The following ZNF532 variants were observed in gnomAD, a reference collection of about 807,000 sequenced individuals.
ZNF532 encodes zinc finger protein 532.
ZNF532 carries 22 observed loss-of-function variants against 89.3 expected under a neutral mutation model. That is an observed-to-expected ratio of 0.25 (90% CI 0.18 to 0.35). The LOEUF (loss-of-function observed/expected upper bound fraction) is 0.35. ZNF532 is among the 10% of genes least tolerant of loss of function. The pLI is 1.00. For missense variants in ZNF532, 1,132 were observed against 1,643.4 expected (o/e 0.69, Z 5.38); for synonymous variants, 606 against 649.6 (o/e 0.93, Z 1.02).
At chr18:58,870,416 A>G (rs1252237072) in intron 2 of ZNF532, among the ~76,000 whole-genome samples, 1 of 152,172 alleles carries the variant, frequency 6.6e-6, no homozygotes, top group African/African-American at 2.4e-5. Context: ...CTGGGAGAGC[A>G]TCTAAGTCCA....
chr18:58,868,389 G>A (rs1327225041), intron 2 of ZNF532, among the ~76,000 whole-genome samples: 1 of 152,130 alleles, frequency 6.6e-6, no homozygotes. Context: ...TGTGGGTTTT[G>A]GCATATGTGT....
chr18:58,863,912 G>T (rs1375585676), upstream of ZNF532, among the ~76,000 whole-genome samples: 1 of 151,896 alleles, frequency 6.6e-6, no homozygotes, highest in Non-Finnish European at 1.5e-5. Context: ...TGAGGCTCAG[G>T]CCCCTGGGCC....
chr18:58,928,877 C>T (rs1026817589), intron 3 of ZNF532, among the ~76,000 whole-genome samples: 1 of 152,162 alleles, frequency 6.6e-6, no homozygotes, highest in Admixed American at 6.5e-5. Context: ...TGAGGACTGT[C>T]GTTTGAATAA....
intron 7 of ZNF532, among the ~76,000 whole-genome samples, chr18:58,975,582 A>G (rs1392678804): frequency 2.0e-5 from 3 of 152,248 alleles, no homozygotes; most frequent in Admixed American, 6.5e-5. Flanking sequence ...CAGCAGCAGC[A>G]TGGGGTAGCG....
chr18:58,873,706 A>T (rs1234582256), intron 2 of ZNF532, among the ~76,000 whole-genome samples: 3 of 152,150 alleles, frequency 2.0e-5, no homozygotes, highest in Admixed American at 1.3e-4. Flanking sequence ...CTCCTAAATT[A>T]CAGGGGTGAG....
At chr18:58,974,677 C>G (rs2066842845) in intron 7 of ZNF532, among the ~76,000 whole-genome samples, 1 of 152,156 alleles carries the variant, frequency 6.6e-6, no homozygotes, top group Non-Finnish European at 1.5e-5. Flanking sequence ...ATACACACAA[C>G]AAACCTCCGA....
intron 2 of ZNF532, among the ~76,000 whole-genome samples, chr18:58,894,483 AAAG>A (rs2059123947): frequency 6.6e-6 from 1 of 151,974 alleles, no homozygotes; most frequent in African/African-American, 2.4e-5. Flanking sequence ...AAAAAAAAAA[AAAG>A]AAAATAGACT....
chr18:58,918,405 C>T lies in ZNF532; in HGVS notation c.118C>T (p.His40Tyr), dbSNP rs1432040647. The T allele has an allele frequency of 6.2e-7, 1 of 1,614,172 alleles. No homozygotes were observed. The highest frequency in any genetic ancestry group is 8.5e-7 in the Non-Finnish European group (1 of 1,180,032). Residue 40 changes from histidine to tyrosine, a missense_variant, in exon 3 of 10, where the codon CAC becomes TAC. Coordinates refer to ENST00000591808, the MANE Select transcript of ZNF532 (RefSeq NM_001375912.1). ...GTCTGGACACGATGACCATGAAAGC[C>T]ACATGAAGCAGAATGCTCACGGAGA... ...IESGHDDHES[H>Y]MKQNAHGEDD...
rs540133909 is a variant in ZNF532 at position 58,966,738 on chromosome 18, GTTTTTT to G, written c.3151-12300_3151-12295del. Reference sequence around the variant, plus strand: ...ATAGCCAGAAAAGGCATTTTTTTGTGTTTTTTTTTTTTTTTTTTTTTTCTTTCAGGT... The same window carrying G: ...ATAGCCAGAAAAGGCATTTTTTTGTGTTTTTTTTTTTTTTTTCTTTCAGGT... On this transcript the variant is annotated intron_variant, in intron 7 of 9. Coordinates refer to ENST00000591808, the MANE Select transcript of ZNF532 (RefSeq NM_001375912.1). 6.6e-3 allele frequency among the ~76,000 whole-genome samples: 835 copies of G among 126,002 alleles called. 6 individuals are homozygous for G. Among genetic ancestry groups the G allele is most frequent in the African/African-American group, 0.02 (739 of 37,654 alleles). 82.7% of individuals were successfully genotyped at this position (126,002 alleles called of 152,430 possible).
chr18:58,953,669 C>G lies in ZNF532; in HGVS notation c.3020C>G (p.Ser1007Cys), dbSNP rs1274329697. 1.2e-6 allele frequency: 2 copies of G among 1,613,994 alleles called. No individual in the cohort carries two copies. Among genetic ancestry groups the G allele is most frequent in the Non-Finnish European group, 1.7e-6 (2 of 1,179,874 alleles). Residue 1007 changes from serine (S) to cysteine (C), a missense_variant, in exon 7 of 10, where the codon TCT (serine) becomes TGT (cysteine). By Grantham distance (112) the Ser-to-Cys change is moderately radical. Coordinates refer to ENST00000591808, the MANE Select transcript of ZNF532 (RefSeq NM_001375912.1). ...GGGAAAGAGAAATTGGAAAAGAAAT[C>G]TCCATCTCCTGTGAAAAAATCAATG... ...MNGKEKLEKK[S>C]PSPVKKSMET... is the part of the protein sequence containing the mutation.
intron 7 of ZNF532, 136 bp from the exon 8 acceptor site, chr18:58,978,919 A>T: frequency 1.5e-6 from 1 of 656,822 alleles, no homozygotes; most frequent in Non-Finnish European, 2.8e-6. Context: ...TTCCATGTGT[A>T]GTGTCATGTC....
At chr18:58,941,488 T>TA (rs1555739114) in intron 5 of ZNF532, among the ~76,000 whole-genome samples, 10 of 149,674 alleles carry the variant, frequency 6.7e-5, no homozygotes, top group African/African-American at 1.2e-4. Context: ...TTTTTTTTTT[T>TA]ATGAGACAGA....
chr18:58,964,548 T>G (rs1402459872), intron 7 of ZNF532, among the ~76,000 whole-genome samples: 1 of 138,620 alleles, frequency 7.2e-6, no homozygotes, highest in Non-Finnish European at 1.5e-5. Flanking sequence ...TGTGTGTGTG[T>G]GTGTGTGTGT....
intron 2 of ZNF532, among the ~76,000 whole-genome samples, chr18:58,899,478 AT>A (rs919444331): frequency 6.6e-6 from 1 of 151,280 alleles, no homozygotes; most frequent in Admixed American, 6.6e-5. Flanking sequence ...TTATTTATTT[AT>A]TTTTTTTGAG....
intron 2 of ZNF532, among the ~76,000 whole-genome samples, chr18:58,900,933 A>T (rs887831405): frequency 3.9e-5 from 6 of 152,114 alleles, no homozygotes; most frequent in African/African-American, 1.2e-4. Context: ...TTGCCTATTT[A>T]AATTAAAAAA....
intron 5 of ZNF532, among the ~76,000 whole-genome samples, chr18:58,941,725 G>A (rs1255202378): frequency 3.3e-5 from 5 of 151,638 alleles, no homozygotes; most frequent in African/African-American, 1.2e-4. Flanking sequence ...CAAAGTGCTG[G>A]GATTGCAGGT....
chr18:58,962,354 C>T (rs1306160489), intron 7 of ZNF532, among the ~76,000 whole-genome samples: 1 of 152,172 alleles, frequency 6.6e-6, no homozygotes, highest in East Asian at 1.9e-4. Flanking sequence ...AAACCAGTCA[C>T]AGTCTAAAAG....
At chr18:58,932,204 C>T (rs999391227) in intron 3 of ZNF532, among the ~76,000 whole-genome samples, 8 of 152,106 alleles carry the variant, frequency 5.3e-5, no homozygotes, top group Non-Finnish European at 1.2e-4. Flanking sequence ...GCTTCTGTAT[C>T]GAAAGTGGGT....
At chr18:58,964,135 CAA>C (rs1419846034) in intron 7 of ZNF532, 2 of 152,204 alleles carry the variant, frequency 1.3e-5, no homozygotes, top group Non-Finnish European at 2.9e-5. Flanking sequence ...TGCCTTACTA[CAA>C]AGTCTCTTAT....
Sources: allele counts gnomAD v4.1 joint callset (sites outside exome capture counted in the v4.1 genomes callset), GRCh38; gene constraint gnomAD v4.1.1; transcripts MANE v1.5; gene names NCBI Gene and HGNC (gene_info 2026-07-23, HGNC 2026-07-21).